DENND1B: variants seen among roughly 807,000 people sequenced by gnomAD.
The protein encoded by DENND1B is DENN domain-containing protein 1B.
A neutral mutation model predicts 90.1 loss-of-function variants in DENND1B; 59 were observed. The observed-to-expected ratio is 0.65, with a 90% CI of 0.53 to 0.81. The LOEUF is 0.81. Ranked by LOEUF, DENND1B falls within the 40% of genes least tolerant of loss-of-function variation. The pLI, the probability that DENND1B is intolerant of heterozygous loss-of-function variation, is 0.00. For missense variants in DENND1B, 862 were observed against 912.6 expected, an observed-to-expected ratio of 0.94 and a Z score of 0.71; for synonymous variants, 337 against 324.6, an observed-to-expected ratio of 1.04 and a Z score of -0.41.
chr1:197,725,168 T>A (rs1661512438), intron 2 of DENND1B, among the ~76,000 whole-genome samples: 2 of 152,016 alleles, frequency 1.3e-5, no homozygotes, highest in South Asian at 4.1e-4. Flanking sequence ...CACATCACAA[T>A]GAAATTGCAA....
chr1:197,562,749 T>C (rs1233431260), intron 15 of DENND1B, among the ~76,000 whole-genome samples: 7 of 151,840 alleles, frequency 4.6e-5, no homozygotes, highest in Admixed American at 4.6e-4. Context: ...GGAAGGCATG[T>C]CAAAAACTGA....
chr1:197,510,797 T>G lies in DENND1B; in HGVS notation c.1991A>C (p.Lys664Thr), dbSNP rs370543741. 17 of 1,612,378 alleles carry G rather than the reference T, an allele frequency of 1.1e-5. No homozygotes were observed. In the African/African-American group the frequency reaches 1.6e-4, roughly 15 times the overall value. Reference protein sequence around the residue: ...SGLTDSLFILKEENSNKHLGA... With the variant: ...SGLTDSLFILTEENSNKHLGA... ...GAGGTGCTTGTTACTGTTTTCCTCT[T>G]TCAGGATAAACAGAGAATCTGTCAA... is the stretch of plus-strand genomic sequence containing the variant. The change falls in exon 23 of 23, where the codon AAA becomes ACA. Residue 664 changes from lysine to threonine, a missense_variant. Coordinates refer to ENST00000620048, the MANE Select transcript of DENND1B (RefSeq NM_001195215.2).
intron 6 of DENND1B, among the ~76,000 whole-genome samples, chr1:197,654,676 G>C (rs1190006372): frequency 6.6e-6 from 1 of 151,368 alleles, no homozygotes; most frequent in East Asian, 1.9e-4. Context: ...CAAAAGTCCA[G>C]TTACCTTTGT....
intron 11 of DENND1B, among the ~76,000 whole-genome samples, chr1:197,613,238 C>A (rs1677337157): frequency 6.6e-6 from 1 of 150,588 alleles, no homozygotes. Context: ...TTCAAAGTAA[C>A]CTTAAAAAGT....
At chr1:197,617,314 T>A (rs967783844) in intron 11 of DENND1B, among the ~76,000 whole-genome samples, 1 of 151,134 alleles carries the variant, frequency 6.6e-6, no homozygotes, top group Non-Finnish European at 1.5e-5. Flanking sequence ...CCAGACAAAT[T>A]CTGACACCTG....
intron 7 of DENND1B, among the ~76,000 whole-genome samples, chr1:197,649,911 C>T (rs1306820116): frequency 6.6e-6 from 1 of 152,066 alleles, no homozygotes; most frequent in African/African-American, 2.4e-5. Context: ...GCAAAAGGTA[C>T]AGTAAGCAGA....
At chr1:197,735,543 T>C (rs1348441161) in intron 2 of DENND1B, 3 of 1,613,504 alleles carry the variant, frequency 1.9e-6, no homozygotes, top group Admixed American at 3.3e-5. Flanking sequence ...ACATTCCATT[T>C]ACAAAGTGTT....
At chr1:197,738,767 TA>T (rs1315587674) in intron 2 of DENND1B, among the ~76,000 whole-genome samples, 1 of 152,114 alleles carries the variant, frequency 6.6e-6, no homozygotes, top group African/African-American at 2.4e-5. Flanking sequence ...ACTAAAAATC[TA>T]AAAAAATACA....
Position 197,626,564 on chromosome 1 carries a change from A to C in DENND1B, c.673-8805T>G, listed in dbSNP as rs1190421176. Among the ~76,000 whole-genome samples the C allele has an allele frequency of 3.3e-5, 5 of 152,322 alleles. No individual in the cohort carries two copies. In the South Asian group the frequency reaches 1.0e-3, roughly 32 times the overall value. Reference sequence around the variant, plus strand: ...AAATTTATAGCACTAAATGCCCTCAAGAGAAAGCAGGAAAGATCCAAAATT... The same window carrying C: ...AAATTTATAGCACTAAATGCCCTCACGAGAAAGCAGGAAAGATCCAAAATT... On this transcript the variant is annotated intron_variant, in intron 10 of 22. Transcript: ENST00000620048.
At chr1:197,536,934 G>A (rs1473984096) in intron 20 of DENND1B, among the ~76,000 whole-genome samples, 1 of 151,906 alleles carries the variant, frequency 6.6e-6, no homozygotes, top group Non-Finnish European at 1.5e-5. Flanking sequence ...CCAGCTGCTT[G>A]GGAGGCTGAG....
At chr1:197,569,733 C>A (rs1325606021) in intron 15 of DENND1B, among the ~76,000 whole-genome samples, 2 of 151,910 alleles carry the variant, frequency 1.3e-5, no homozygotes, top group Non-Finnish European at 2.9e-5. Context: ...CTAAAAAAGT[C>A]AAACTCAGAG....
At chr1:197,734,695 T>C in intron 2 of DENND1B, 1 of 985,128 alleles carries the variant, frequency 1.0e-6, no homozygotes, top group Non-Finnish European at 1.2e-6. Context: ...GATAAGGGTG[T>C]AACTACTGTA....
chr1:197,745,947 A>T (rs1663701375), intron 2 of DENND1B, among the ~76,000 whole-genome samples: 1 of 152,178 alleles, frequency 6.6e-6, no homozygotes, highest in African/African-American at 2.4e-5. Context: ...CCAATAAAAA[A>T]ATTAGTAACT....
the DENND1B span, among the ~76,000 whole-genome samples, chr1:197,781,391 T>A: frequency 6.6e-6 from 1 of 152,210 alleles, no homozygotes; most frequent in Non-Finnish European, 1.5e-5. Context: ...CCTTCATTTA[T>A]TATAGAAGAA....
intron 2 of DENND1B, chr1:197,735,674 C>T: frequency 1.9e-6 from 3 of 1,614,048 alleles, no homozygotes; most frequent in Non-Finnish European, 2.5e-6. Flanking sequence ...GGTACAAGGT[C>T]TACCCCGGAC....
At chr1:197,628,145 T>A (rs1289284733) in intron 10 of DENND1B, among the ~76,000 whole-genome samples, 1 of 152,146 alleles carries the variant, frequency 6.6e-6, no homozygotes, top group African/African-American at 2.4e-5. Context: ...AAGCTACCAA[T>A]GACTTTCTTC....
intron 2 of DENND1B, among the ~76,000 whole-genome samples, chr1:197,764,373 C>T (rs971782937): frequency 5.3e-5 from 8 of 152,126 alleles, no homozygotes; most frequent in Non-Finnish European, 8.8e-5. Flanking sequence ...TTATGTAGAA[C>T]ATCTAACTGG....
intron 15 of DENND1B, among the ~76,000 whole-genome samples, chr1:197,581,872 A>G (rs538362410): frequency 2.6e-5 from 4 of 152,200 alleles, no homozygotes; most frequent in South Asian, 2.1e-4. Context: ...AGAGAAAAAT[A>G]CAAAAAGGTA....
At chr1:197,747,441 C>T (rs1307378681) in intron 2 of DENND1B, 7 of 376,672 alleles carry the variant, frequency 1.9e-5, no homozygotes, top group South Asian at 3.5e-5. Context: ...AGGTAGCAGC[C>T]CACTCCACAT....
Sources: gnomAD v4.1 joint callset for allele counts (sites outside exome capture counted in the v4.1 genomes callset) on GRCh38, gnomAD v4.1.1 for gene constraint, MANE v1.5 for transcripts, NCBI Gene and HGNC (gene_info 2026-07-23, HGNC 2026-07-21) for gene names.